TMEM26: variants seen among roughly 807,000 people sequenced by gnomAD.
TMEM26 encodes the protein transmembrane protein 26.
TMEM26 carries 38 observed loss-of-function variants against 28.8 expected under a neutral mutation model. The observed-to-expected ratio is 1.32, with a 90% CI of 1.02 to 1.73. TMEM26 has a LOEUF of 1.73. Ranked by LOEUF, TMEM26 falls within the 40% of genes most tolerant of loss-of-function variation. The probability of loss-of-function intolerance (pLI) is 0.00; values close to 1 mark genes in which losing one functional copy is unlikely to be tolerated. For synonymous variants in TMEM26, 227 were observed against 182.9 expected, an observed-to-expected ratio of 1.24 and a Z score of -1.95; for missense variants, 518 against 447.1, an observed-to-expected ratio of 1.16 and a Z score of -1.43.
chr10:61,445,614 T>G (rs372745178), intron 1 of TMEM26, among the ~76,000 whole-genome samples: 3 of 152,170 alleles, frequency 2.0e-5, no homozygotes, highest in East Asian at 3.8e-4. Flanking sequence ...AAGCCTTATA[T>G]TCTTAATATA....
At chr10:61,416,716 T>C (rs1294399880) in intron 4 of TMEM26, among the ~76,000 whole-genome samples, 1 of 152,054 alleles carries the variant, frequency 6.6e-6, no homozygotes, top group Admixed American at 6.6e-5. Flanking sequence ...AATTAAAGCA[T>C]TTAAGACTTC....
intron 3 of TMEM26, 97 bp from the exon 4 acceptor site, chr10:61,429,243 TAG>T (rs1302195465): frequency 6.1e-6 from 6 of 984,732 alleles, no homozygotes; most frequent in South Asian, 1.5e-5. Flanking sequence ...TTTGCTTTTG[TAG>T]AGAGTAATTT....
intron 4 of TMEM26, 90 bp downstream of exon 4, chr10:61,428,836 A>T: frequency 9.0e-7 from 1 of 1,116,754 alleles, no homozygotes; most frequent in Non-Finnish European, 1.3e-6. Flanking sequence ...AAAAATTCTT[A>T]TTCATGTGAA....
At position 61,444,653 on chromosome 10, in the gene TMEM26, T is replaced by TAAA. The variant is rs10711559; in HGVS notation, c.191+8235_191+8237dup. Among the ~76,000 whole-genome samples the TAAA allele has an allele frequency of 9.7e-3, 1,302 of 133,844 alleles. 15 individuals are homozygous for TAAA. The highest frequency in any genetic ancestry group is 0.03 in the African/African-American group (1,123 of 36,964). 87.8% of individuals were successfully genotyped at this position (133,844 alleles called of 152,430 possible). A position where few individuals can be genotyped will look rare whatever the true frequency, so the allele number is the denominator to read the frequency against. On this transcript the variant is annotated intron_variant, in intron 1 of 5. Coordinates refer to ENST00000399298, the MANE Select transcript of TMEM26 (RefSeq NM_178505.8). ...TCACTTGAGTTTTACCCTCATAATT[T>TAAA]AAAAAAAAAAAAAAAAAACACCAAC...
intron 4 of TMEM26, chr10:61,414,099 A>G: frequency 2.1e-5 from 20 of 970,890 alleles, no homozygotes; most frequent in Non-Finnish European, 2.4e-5. Context: ...TATTTCATTC[A>G]CCACTGTATC....
intron 4 of TMEM26, among the ~76,000 whole-genome samples, chr10:61,427,238 G>A (rs1839847270): frequency 6.6e-6 from 1 of 152,016 alleles, no homozygotes; most frequent in Admixed American, 6.6e-5. Context: ...CAGATTAATT[G>A]GTAGGTGATA....
intron 1 of TMEM26, among the ~76,000 whole-genome samples, chr10:61,449,661 T>C (rs1431004524): frequency 1.3e-5 from 2 of 152,222 alleles, no homozygotes; most frequent in African/African-American, 4.8e-5. Context: ...GATCTGATTT[T>C]CAAAGAAAAG....
intron 4 of TMEM26, among the ~76,000 whole-genome samples, chr10:61,423,751 A>G (rs1296531785): frequency 6.6e-6 from 1 of 152,150 alleles, no homozygotes; most frequent in Non-Finnish European, 1.5e-5. Context: ...AAAAAAGATT[A>G]TATGTTATAA....
rs1360394276 is a variant in TMEM26, at chr10:61,452,981, G to C, written c.101C>G (p.Pro34Arg). The change falls in exon 1 of 6, where the codon CCG (proline) becomes CGG (arginine). Residue 34 changes from proline (P) to arginine (R), a missense_variant. Pro to Arg is a moderately radical substitution (Grantham distance 103). Coordinates refer to ENST00000399298, the MANE Select transcript of TMEM26 (RefSeq NM_178505.8). Reference sequence around the variant, plus strand: ...GAGCAGCGCAAGCAGCCAGTACCGCGGCTCCTTCTTCACCTCGGTCACTCG... The same window carrying C: ...GAGCAGCGCAAGCAGCCAGTACCGCCGCTCCTTCTTCACCTCGGTCACTCG... ...VWRVTEVKKEPRYWLLALLNL... is the reference protein window; with the variant it reads ...VWRVTEVKKERRYWLLALLNL... 3 of 1,613,930 alleles carry C rather than the reference G, an allele frequency of 1.9e-6. No individual in the cohort carries two copies. Among genetic ancestry groups the C allele is most frequent in the Admixed American group, 1.7e-5 (1 of 60,006 alleles).
intron 3 of TMEM26, among the ~76,000 whole-genome samples, chr10:61,430,583 A>C (rs1476472857): frequency 6.6e-6 from 1 of 151,870 alleles, no homozygotes; most frequent in East Asian, 1.9e-4. Flanking sequence ...AAAAAAAAAA[A>C]AACCTCCTGA....
chr10:61,435,732 T>C (rs1488672681), intron 2 of TMEM26, among the ~76,000 whole-genome samples: 2 of 152,210 alleles, frequency 1.3e-5, no homozygotes, highest in Non-Finnish European at 1.5e-5. Context: ...TGACTACAGA[T>C]AAGGGTTTTG....
intron 1 of TMEM26, among the ~76,000 whole-genome samples, chr10:61,450,391 C>T (rs546234488): frequency 3.9e-5 from 6 of 152,150 alleles, no homozygotes; most frequent in South Asian, 2.1e-4. Flanking sequence ...CCAAATTGAA[C>T]GTTTTTTCAT....
At chr10:61,434,120 C>T (rs530221992) in intron 2 of TMEM26, among the ~76,000 whole-genome samples, 2 of 152,186 alleles carry the variant, frequency 1.3e-5, no homozygotes, top group South Asian at 4.1e-4. Context: ...GCCATTTCTT[C>T]TTTATTTAAC....
intron 1 of TMEM26, among the ~76,000 whole-genome samples, chr10:61,449,310 G>A (rs1413011416): frequency 6.6e-6 from 1 of 152,020 alleles, no homozygotes; most frequent in Non-Finnish European, 1.5e-5. Flanking sequence ...CTTAACGGGG[G>A]ACATGTTGTT....
At chr10:61,445,689 A>G (rs542813546) in intron 1 of TMEM26, among the ~76,000 whole-genome samples, 156 of 152,286 alleles carry the variant, frequency 1.0e-3, no homozygotes, top group Non-Finnish European at 1.9e-3. Context: ...TTTTTTTAAA[A>G]AAAAGGAAAG....
chr10:61,418,464 T>G (rs1839690119), intron 4 of TMEM26, among the ~76,000 whole-genome samples: 1 of 152,124 alleles, frequency 6.6e-6, no homozygotes, highest in Middle Eastern at 3.4e-3. Flanking sequence ...ACAGAATTTA[T>G]GATATCAAGT....
At chr10:61,425,029 G>C (rs1488735842) in intron 4 of TMEM26, among the ~76,000 whole-genome samples, 1 of 152,138 alleles carries the variant, frequency 6.6e-6, no homozygotes, top group Admixed American at 6.6e-5. Flanking sequence ...CCCAACACTG[G>C]GTAATTTATA....
Position 61,410,039 on chromosome 10 carries a change from C to T in TMEM26, c.*283G>A. The stretch of plus-strand genomic sequence containing the variant: ...ATCTTTCGAGGGCATGTCACTGTAA[C>T]CTCTTCCATAGCTTTTCAAACAGTT... On this transcript the variant is annotated 3_prime_UTR_variant, in exon 6 of 6. Coordinates refer to ENST00000399298, the MANE Select transcript of TMEM26 (RefSeq NM_178505.8). 2.5e-6 allele frequency: 1 copy of T among 399,956 alleles called. No individual in the cohort carries two copies. The highest frequency in any genetic ancestry group is 3.7e-5 in the South Asian group (1 of 26,702). 24.8% of individuals were successfully genotyped at this position (399,956 alleles called of 1,614,324 possible).
intron 4 of TMEM26, among the ~76,000 whole-genome samples, chr10:61,424,410 C>T (rs993500645): frequency 1.3e-5 from 2 of 152,024 alleles, no homozygotes; most frequent in Admixed American, 1.3e-4. Context: ...AATTAAGGAA[C>T]ATCTAAACAA....
Sources: gnomAD v4.1 joint callset for allele counts (sites outside exome capture counted in the v4.1 genomes callset) on GRCh38, gnomAD v4.1.1 for gene constraint, MANE v1.5 for transcripts, NCBI Gene and HGNC (gene_info 2026-07-23, HGNC 2026-07-21) for gene names.